The following RHBDD2 variants were observed in gnomAD, a reference collection of about 807,000 sequenced individuals.
RHBDD2 encodes rhomboid domain containing 2, also known as rhomboid domain-containing protein 2.
A neutral mutation model predicts 21.7 loss-of-function variants in RHBDD2; 13 were observed. The ratio of observed to expected loss-of-function variants is 0.60; its 90% confidence interval spans 0.39 to 0.95. RHBDD2 has a LOEUF of 0.95. Ranked by LOEUF, RHBDD2 falls within the 40% of genes least tolerant of loss-of-function variation. The probability of loss-of-function intolerance (pLI) is 0.00; values close to 1 mark genes in which losing one functional copy is unlikely to be tolerated. For missense variants in RHBDD2, 473 were observed against 478.9 expected, an observed-to-expected ratio of 0.99 and a Z score of 0.11; for synonymous variants, 225 against 220.0, an observed-to-expected ratio of 1.02 and a Z score of -0.20.
At chr7:75,887,804 C>G (rs1214466828) in intron 3 of RHBDD2, among the ~76,000 whole-genome samples, 188 bp from the exon 4 acceptor site, 2 of 152,048 alleles carry the variant, frequency 1.3e-5, no homozygotes, top group Non-Finnish European at 2.9e-5. Context: ...TGCAACTGGC[C>G]CCACCCTCCC....
chr7:75,888,063 C>G lies in RHBDD2; in HGVS notation c.809C>G (p.Ser270Cys). Residue 270 changes from serine to cysteine, a missense_variant, in exon 4 of 4, where the codon TCC (serine) becomes TGC (cysteine). Physicochemically the swap from Ser to Cys is moderately radical, Grantham distance 112 (BLOSUM62 -1). Transcript: ENST00000006777. Reference protein sequence around the residue: ...HPHLSPSHPVSQTQHASGQKL... With the variant: ...HPHLSPSHPVCQTQHASGQKL... ...CACCTGTCCCCAAGCCACCCTGTGTCCCAGACGCAGCACGCCAGTGGTCAG... is the reference window on the plus strand; with the variant it reads ...CACCTGTCCCCAAGCCACCCTGTGTGCCAGACGCAGCACGCCAGTGGTCAG... The G allele has an allele frequency of 6.2e-7, 1 of 1,613,838 alleles. No homozygotes were observed. The highest frequency in any genetic ancestry group is 1.1e-5 in the South Asian group (1 of 91,084).
At chr7:75,881,556 A>G in intron 1 of RHBDD2, 1 of 1,370,318 alleles carries the variant, frequency 7.3e-7, no homozygotes, top group Non-Finnish European at 9.6e-7. Flanking sequence ...CCCTCTACCG[A>G]AAAGTATTAT....
At chr7:75,881,040 GA>G (rs1554542339) in intron 1 of RHBDD2, among the ~76,000 whole-genome samples, 1 of 151,978 alleles carries the variant, frequency 6.6e-6, no homozygotes, top group Non-Finnish European at 1.5e-5. Context: ...ACTGCTTTTA[GA>G]AAAATAAAAG....
chr7:75,886,591 G>A (rs1191887991), intron 3 of RHBDD2, among the ~76,000 whole-genome samples: 1 of 152,044 alleles, frequency 6.6e-6, no homozygotes, highest in Non-Finnish European at 1.5e-5. Context: ...GATGCGGGTG[G>A]ATCACGAGAT....
Position 75,885,400 on chromosome 7 carries a change from T to C in RHBDD2, c.737+1552T>C, listed in dbSNP as rs186593724. ...CACGTCCCCTGCTTAGGAGGCCACCTCCCTCCCTCTCCCCTGTTCCCAGTG... is the reference window on the plus strand; with the variant it reads ...CACGTCCCCTGCTTAGGAGGCCACCCCCCTCCCTCTCCCCTGTTCCCAGTG... On this transcript the variant is annotated intron_variant, in intron 3 of 3. Transcript: ENST00000006777. Among the ~76,000 whole-genome samples, 8 of 152,126 alleles carry C rather than the reference T, an allele frequency of 5.3e-5. No homozygotes were observed. The East Asian group carries it at 1.6e-3, about 30-fold the overall frequency.
rs1264662206 is a variant in RHBDD2 at position 75,881,742 on chromosome 7, C to T, written c.179-87C>T. 6.0e-6 allele frequency: 8 copies of T among 1,323,076 alleles called. No individual in the cohort carries two copies. The African/African-American group carries it at 1.2e-4, about 20-fold the overall frequency. 82.0% of individuals were successfully genotyped at this position (1,323,076 alleles called of 1,614,324 possible). On this transcript the variant is annotated intron_variant, in intron 1 of 3. Transcript: ENST00000006777. The stretch of plus-strand genomic sequence containing the variant: ...CTCACTTCTCTGTCACGGAGGGGGG[C>T]TCTCTGCCTTTCCTAGGCGGCTTAT...
chr7:75,886,206 T>G (rs781888654), intron 3 of RHBDD2, among the ~76,000 whole-genome samples: 12 of 152,274 alleles, frequency 7.9e-5, no homozygotes, highest in East Asian at 1.9e-4. Context: ...CCTTAGAGCT[T>G]CTTCCAAGAG....
At chr7:75,879,314 C>G (rs1805176220) in intron 1 of RHBDD2, 54 bp downstream of exon 1, 3 of 1,401,704 alleles carry the variant, frequency 2.1e-6, no homozygotes, top group Non-Finnish European at 2.8e-6. Flanking sequence ...CCGACTTTGC[C>G]GGTTCCTGGG....
At chr7:75,885,814 G>A (rs571823060) in intron 3 of RHBDD2, among the ~76,000 whole-genome samples, 2 of 152,186 alleles carry the variant, frequency 1.3e-5, no homozygotes, top group South Asian at 2.1e-4. Context: ...GTCTGCCCCC[G>A]TGACCCAGAC....
intron 3 of RHBDD2, 49 bp downstream of exon 3, chr7:75,883,897 ATTAT>A: frequency 6.7e-7 from 1 of 1,493,558 alleles, no homozygotes; most frequent in East Asian, 2.3e-5. Flanking sequence ...TAAAAAAAAA[ATTAT>A]TTTTTTTTTT....
intron 1 of RHBDD2, chr7:75,880,292 G>C (rs1220856658): frequency 6.6e-6 from 1 of 152,134 alleles, no homozygotes; most frequent in Non-Finnish European, 1.5e-5. Context: ...AGATAATGAA[G>C]CCTCTGGTGA....
intron 3 of RHBDD2, among the ~76,000 whole-genome samples, chr7:75,887,201 A>G (rs1028515318): frequency 6.9e-6 from 1 of 145,716 alleles, no homozygotes; most frequent in South Asian, 2.2e-4. Flanking sequence ...GCAGTGGCAC[A>G]GTCATAACTC....
In RHBDD2 at chr7:75,888,342, T is replaced by C. The variant is rs1805820885; in HGVS notation, c.1088T>C (p.Met363Thr). The change falls in exon 4 of 4, where the codon ATG (methionine) becomes ACG (threonine). Residue 363 changes from methionine to threonine, a missense_variant. Transcript: ENST00000006777. Reference sequence around the variant, plus strand: ...TCCAAGGAGTCCTCCAGGGTCCCCATGCCCTGAGAGAATTTCTAGGGAAGT... The same window carrying C: ...TCCAAGGAGTCCTCCAGGGTCCCCACGCCCTGAGAGAATTTCTAGGGAAGT... ...AGSKESSRVP[M>T]P is the part of the protein sequence containing the mutation. 1.2e-6 allele frequency: 2 copies of C among 1,608,086 alleles called. No individual in the cohort carries two copies. Among genetic ancestry groups the C allele is most frequent in the African/African-American group, 1.3e-5 (1 of 74,888 alleles).
rs1805809656 is a variant in RHBDD2 at position 75,888,239 on chromosome 7, G to A, written c.985G>A (p.Gly329Ser). 6 of 1,613,664 alleles carry A rather than the reference G, an allele frequency of 3.7e-6. No individual in the cohort carries two copies. The highest frequency in any genetic ancestry group is 1.6e-4 in the Middle Eastern group (1 of 6,084). The stretch of plus-strand genomic sequence containing the variant: ...CCCAGCTTCTGCGGGCACCTCCCTG[G>A]GCATCCAGCCCCCCACGCCTGTGAA... The part of the protein sequence containing the change: ...VYPASAGTSL[G>S]IQPPTPVNSP... Residue 329 changes from glycine to serine, a missense_variant, in exon 4 of 4, where the codon GGC (glycine) becomes AGC (serine). By Grantham distance (56) the Gly-to-Ser change is moderately conservative. Transcript: ENST00000006777.
chr7:75,880,975 C>T (rs1805291191), intron 1 of RHBDD2, among the ~76,000 whole-genome samples: 1 of 152,092 alleles, frequency 6.6e-6, no homozygotes, highest in Admixed American at 6.6e-5. Flanking sequence ...GATCCTTCCA[C>T]CTAAGCCTCC....
At chr7:75,884,172 C>T (rs1244587486) in intron 3 of RHBDD2, among the ~76,000 whole-genome samples, 3 of 152,230 alleles carry the variant, frequency 2.0e-5, no homozygotes, top group Admixed American at 6.5e-5. Flanking sequence ...GGATTACAGG[C>T]GTGAGCCACT....
chr7:75,879,151 C>A lies in RHBDD2; in HGVS notation c.69C>A (p.Phe23Leu). The change falls in exon 1 of 4, where the codon TTC (phenylalanine) becomes TTA (leucine). Residue 23 changes from phenylalanine to leucine, a missense_variant. Transcript: ENST00000006777. ...CCGAGGTGCCATCCGCCACCTTCTT[C>A]ACTGCGCTGCTCTCGCTGCTGGTTT... ...LCPEVPSATF[F>L]TALLSLLVSG... 1 of 1,486,538 alleles carries A rather than the reference C, an allele frequency of 6.7e-7. No homozygotes were observed. 92.1% of individuals were successfully genotyped at this position (1,486,538 alleles called of 1,614,324 possible).
Position 75,888,391 on chromosome 7 carries a change from T to G in RHBDD2, c.*42T>G. ...GTCATCTCACTTGGCCTTCTGAAGG[T>G]CCTCCCTAAGAGTCTCCTGACAAAA... is the stretch of plus-strand genomic sequence containing the variant. On this transcript the variant is annotated 3_prime_UTR_variant, in exon 4 of 4. Coordinates refer to ENST00000006777, the MANE Select transcript of RHBDD2 (RefSeq NM_001040456.3). The G allele has an allele frequency of 2.0e-6, 3 of 1,517,004 alleles. No individual in the cohort carries two copies. 94.0% of individuals were successfully genotyped at this position (1,517,004 alleles called of 1,614,324 possible). A position where few individuals can be genotyped will look rare whatever the true frequency, so the allele number is the denominator to read the frequency against.
At chr7:75,882,907 A>C (rs1209636009) in intron 2 of RHBDD2, among the ~76,000 whole-genome samples, 1 of 152,160 alleles carries the variant, frequency 6.6e-6, no homozygotes, top group East Asian at 1.9e-4. Flanking sequence ...GACGACCAGG[A>C]TACCACCAAG....
Sources: allele counts gnomAD v4.1 joint callset (sites outside exome capture counted in the v4.1 genomes callset), GRCh38; gene constraint gnomAD v4.1.1; transcripts MANE v1.5; gene names NCBI Gene and HGNC (gene_info 2026-07-23, HGNC 2026-07-21).